The following IARS1 variants were observed in gnomAD, a reference collection of about 807,000 sequenced individuals.
The protein encoded by IARS1 is isoleucine--tRNA ligase, cytoplasmic.
A neutral mutation model predicts 168.2 loss-of-function variants in IARS1; 124 were observed. The observed-to-expected ratio is 0.74, with a 90% CI of 0.64 to 0.86. IARS1 has a LOEUF of 0.86. Ranked by LOEUF, IARS1 falls within the 40% of genes least tolerant of loss-of-function variation. The pLI is 0.00. For missense variants in IARS1, 1,452 were observed against 1,515.8 expected, an observed-to-expected ratio of 0.96 and a Z score of 0.70; for synonymous variants, 532 against 529.4, an observed-to-expected ratio of 1.00 and a Z score of -0.07.
chr9:92,289,536 C>T (rs1461193501), intron 1 of IARS1, 110 bp from the exon 2 acceptor site: 1 of 655,468 alleles, frequency 1.5e-6, no homozygotes, highest in African/African-American at 1.8e-5. Flanking sequence ...TAAAAAATTA[C>T]AGCTTTATTG....
chr9:92,242,021 T>C (rs1039917795), intron 29 of IARS1, 133 bp downstream of exon 29: 13 of 696,306 alleles, frequency 1.9e-5, no homozygotes, highest in Middle Eastern at 2.9e-4. Flanking sequence ...TACCCACTAC[T>C]GTCCAGAGCA....
intron 26 of IARS1, among the ~76,000 whole-genome samples, chr9:92,245,572 TGCTGATGTTAACACCCCC>T (rs1295229585): frequency 1.3e-5 from 2 of 152,166 alleles, no homozygotes; most frequent in African/African-American, 4.8e-5. Context: ...TGTGAACAGC[TGCTGATGTTAACACCCCC>T]GCTGATAGGG....
intron 16 of IARS1, among the ~76,000 whole-genome samples, chr9:92,264,457 C>T (rs572811135): frequency 2.6e-5 from 4 of 152,176 alleles, no homozygotes; most frequent in African/African-American, 9.6e-5. Flanking sequence ...AAAATCAATG[C>T]CCAAATCCTC....
chr9:92,270,523 T>C (rs1169294429), intron 12 of IARS1, among the ~76,000 whole-genome samples: 1 of 152,198 alleles, frequency 6.6e-6, no homozygotes, highest in African/African-American at 2.4e-5. Flanking sequence ...GACCAGGCGC[T>C]GTGGCTCATG....
chr9:92,214,551 T>A (rs1349013020), intron 33 of IARS1, among the ~76,000 whole-genome samples: 3 of 152,170 alleles, frequency 2.0e-5, no homozygotes, highest in Non-Finnish European at 4.4e-5. Context: ...TGGGCGCAGG[T>A]CAGTGGGTGC....
At chr9:92,261,828 C>T (rs1331106561) in intron 17 of IARS1, among the ~76,000 whole-genome samples, 1 of 151,850 alleles carries the variant, frequency 6.6e-6, no homozygotes, top group Non-Finnish European at 1.5e-5. Flanking sequence ...TTGGCTCACT[C>T]CAACCTCTGC....
rs143186727 is a variant in IARS1, at chr9:92,263,295, C to G, written c.1701-240G>C. On this transcript the variant is annotated intron_variant, in intron 16 of 33. Coordinates refer to ENST00000443024, the MANE Select transcript of IARS1 (RefSeq NM_002161.6). ...TGACCATTTCTCTGTTACCAGAGCTCCCAGGAAGTCTGTGTGGAGAGCCAC... is the reference window on the plus strand; with the variant it reads ...TGACCATTTCTCTGTTACCAGAGCTGCCAGGAAGTCTGTGTGGAGAGCCAC... 5.9e-5 allele frequency among the ~76,000 whole-genome samples: 9 copies of G among 152,264 alleles called. 1 individual carries two copies. The East Asian group carries it at 1.4e-3, about 23-fold the overall frequency.
chr9:92,260,459 C>G (rs1350952485), intron 17 of IARS1, among the ~76,000 whole-genome samples: 1 of 152,018 alleles, frequency 6.6e-6, no homozygotes, highest in Non-Finnish European at 1.5e-5. Flanking sequence ...AGTTCAAGAC[C>G]AGCCTGGCCA....
chr9:92,246,958 C>T (rs968255026), intron 26 of IARS1, among the ~76,000 whole-genome samples: 18 of 152,124 alleles, frequency 1.2e-4, no homozygotes, highest in South Asian at 2.1e-4. Context: ...TTTGGGGGAC[C>T]GAAGGCGGGT....
intron 20 of IARS1, 143 bp downstream of exon 20, chr9:92,256,537 C>T: frequency 2.3e-6 from 2 of 854,100 alleles, no homozygotes; most frequent in Non-Finnish European, 1.7e-6. Context: ...AATTAACAAG[C>T]CTTAACAAAA....
chr9:92,252,764 CAAAAAAAAAAAAAAAAAAAAA>C (rs34983021), intron 21 of IARS1, among the ~76,000 whole-genome samples: 1 of 27,224 alleles, frequency 3.7e-5, no homozygotes, highest in Non-Finnish European at 6.2e-5. Context: ...AACTCCTTCT[CAAAAAAAAAAAAAAAAAAAAA>C]AAAAAAAAAA....
chr9:92,210,869 C>A lies in IARS1; in HGVS notation c.3727G>T (p.Val1243Leu). 1.2e-6 allele frequency: 2 copies of A among 1,607,412 alleles called. No individual in the cohort carries two copies. Among genetic ancestry groups the A allele is most frequent in the Admixed American group, 3.3e-5 (2 of 59,976 alleles). ...QTQEITEDIP[V>L]KTLNMKTVYV... is the part of the protein sequence containing the mutation. Reference sequence around the variant, plus strand: ...ACAGTCTTCATATTCAAAGTCTTCACGGGGATGTCTTCTGTAATTTCTAGA... The same window carrying A: ...ACAGTCTTCATATTCAAAGTCTTCAAGGGGATGTCTTCTGTAATTTCTAGA... Residue 1243 changes from valine (V) to leucine (L), a missense_variant, in exon 34 of 34, where the codon GTG becomes TTG. Val to Leu is a conservative substitution (Grantham distance 32). Transcript: ENST00000443024.
At position 92,253,416 on chromosome 9, in the gene IARS1, C is replaced by T. The variant is rs145346984; in HGVS notation, c.2175G>A (p.Lys725=). 3.6e-4 allele frequency: 577 copies of T among 1,613,894 alleles called. No homozygotes were observed. Among genetic ancestry groups the T allele is most frequent in the Non-Finnish European group, 4.3e-4 (502 of 1,179,792 alleles). ...ACCAATTGGTCAGAATATCTACAAA[C>T]TTGACCAGGCGAGGCACCACAGTAT... ...RLYTVVPRLV[K]FVDILTNWYV... is the part of the protein sequence containing the mutation. The change falls in exon 21 of 34, where the codon AAG becomes AAA. Residue 725 remains lysine (K), a synonymous_variant. Transcript: ENST00000443024.
chr9:92,245,869 C>G (rs1829118064), intron 26 of IARS1, among the ~76,000 whole-genome samples: 1 of 151,906 alleles, frequency 6.6e-6, no homozygotes, highest in Non-Finnish European at 1.5e-5. Context: ...TGGGTTCACG[C>G]CATTCCCCGG....
intron 30 of IARS1, among the ~76,000 whole-genome samples, chr9:92,237,635 T>G (rs1376475882): frequency 6.6e-6 from 1 of 152,234 alleles, no homozygotes; most frequent in Non-Finnish European, 1.5e-5. Flanking sequence ...TTTGTAACTC[T>G]TTTGTTAGAC....
At chr9:92,237,347 T>C (rs1327074542) in intron 30 of IARS1, among the ~76,000 whole-genome samples, 1 of 152,314 alleles carries the variant, frequency 6.6e-6, no homozygotes, top group African/African-American at 2.4e-5. Flanking sequence ...GAGATTTTCA[T>C]TATTATATTA....
intron 27 of IARS1, among the ~76,000 whole-genome samples, chr9:92,244,635 A>G (rs1828917839): frequency 6.6e-6 from 1 of 152,214 alleles, no homozygotes; most frequent in African/African-American, 2.4e-5. Flanking sequence ...ATAACTTATC[A>G]GGTAGAATAC....
At chr9:92,258,050 C>T (rs1213505694) in intron 19 of IARS1, among the ~76,000 whole-genome samples, 1 of 152,178 alleles carries the variant, frequency 6.6e-6, no homozygotes, top group Non-Finnish European at 1.5e-5. Context: ...TTATATGTGA[C>T]CCTAACAACC....
rs754199875 is a variant in IARS1 at position 92,280,771 on chromosome 9, T to C, written c.720A>G (p.Pro240=). Residue 240 remains proline, a synonymous_variant, in exon 7 of 34, where the codon CCA becomes CCG. Transcript: ENST00000443024. ...CTTTAATTTTCACATATTGCATTTCTGGATTAACACACACAGCAAGGTTAC... is the reference window on the plus strand; with the variant it reads ...CTTTAATTTTCACATATTGCATTTCCGGATTAACACACACAGCAAGGTTAC... ...LPSNLAVCVN[P]EMQYVKIKDV... is the part of the protein sequence containing the mutation. The C allele has an allele frequency of 6.2e-7, 1 of 1,610,042 alleles. No individual in the cohort carries two copies. Among genetic ancestry groups the C allele is most frequent in the South Asian group, 1.1e-5 (1 of 90,240 alleles).
Sources: allele counts gnomAD v4.1 joint callset (sites outside exome capture counted in the v4.1 genomes callset), GRCh38; gene constraint gnomAD v4.1.1; transcripts MANE v1.5; gene names NCBI Gene and HGNC (gene_info 2026-07-23, HGNC 2026-07-21).